Variants in E2F5 observed in about 807,000 individuals in gnomAD.
E2F5 encodes the protein transcription factor E2F5.
E2F5 carries 23 observed loss-of-function variants against 39.1 expected under a neutral mutation model. The observed-to-expected ratio is 0.59, with a 90% CI of 0.42 to 0.83. The LOEUF (loss-of-function observed/expected upper bound fraction) is 0.83. Ranked by LOEUF, E2F5 falls within the 40% of genes least tolerant of loss-of-function variation. E2F5 has a pLI of 0.00. For synonymous variants in E2F5, 145 were observed against 157.8 expected, an observed-to-expected ratio of 0.92 and a Z score of 0.61; for missense variants, 365 against 406.7, an observed-to-expected ratio of 0.90 and a Z score of 0.88.
At chr8:85,180,744 ATTTTTT>A (rs1171220789) in intron 1 of E2F5, among the ~76,000 whole-genome samples, 2 of 148,598 alleles carry the variant, frequency 1.3e-5, no homozygotes, top group African/African-American at 5.0e-5. Context: ...CGCCCGGCTA[ATTTTTT>A]TTGTATTTTT....
Position 85,209,324 on chromosome 8 carries a change from C to T in E2F5, c.798C>T (p.Ser266=), listed in dbSNP as rs766786182. 2.9e-5 allele frequency: 47 copies of T among 1,613,922 alleles called. 2 individuals carry two copies. In the South Asian group the frequency reaches 3.1e-4, roughly 11 times the overall value. ...SLTPVTPQKS[S]MATQNLPEQH... ...CTCCAGTGACTCCACAGAAATCCAG[C>T]ATGGCAACTCAAAATCTGCCTGAGC... Residue 266 remains serine, a synonymous_variant, in exon 6 of 8, where the codon AGC becomes AGT. Transcript: ENST00000416274.
chr8:85,180,029 C>CTT (rs532627984), intron 1 of E2F5, among the ~76,000 whole-genome samples: 189 of 133,486 alleles, frequency 1.4e-3, no homozygotes, highest in Non-Finnish European at 2.3e-3. Context: ...TCGTTAAAGC[C>CTT]TTTTTTTTTT....
intron 1 of E2F5, among the ~76,000 whole-genome samples, chr8:85,197,992 G>A (rs1203447666): frequency 6.6e-6 from 1 of 152,064 alleles, no homozygotes; most frequent in Non-Finnish European, 1.5e-5. Context: ...TGAATATTTT[G>A]TACTTTCTTC....
chr8:85,202,862 A>C (rs1382603733), intron 2 of E2F5, among the ~76,000 whole-genome samples: 1 of 152,216 alleles, frequency 6.6e-6, no homozygotes, highest in East Asian at 1.9e-4. Context: ...ATGACAAAAA[A>C]ACACTGTAGG....
At chr8:85,212,026 C>T in intron 6 of E2F5, 131 bp from the exon 7 acceptor site, 1 of 635,798 alleles carries the variant, frequency 1.6e-6, no homozygotes, top group Non-Finnish European at 2.7e-6. Context: ...TGAAAACAAC[C>T]TGTCCACAAA....
At chr8:85,211,237 A>C in intron 6 of E2F5, among the ~76,000 whole-genome samples, 1 of 151,604 alleles carries the variant, frequency 6.6e-6, no homozygotes, top group African/African-American at 2.4e-5. Context: ...AAAAAAAAAA[A>C]AAAAAATTAA....
At chr8:85,182,560 A>T (rs576585874) in intron 1 of E2F5, among the ~76,000 whole-genome samples, 2 of 152,322 alleles carry the variant, frequency 1.3e-5, no homozygotes, top group East Asian at 3.9e-4. Context: ...AAGGTGGAAA[A>T]GAAGGAGGTA....
chr8:85,179,515 C>T (rs1812153849), intron 1 of E2F5, among the ~76,000 whole-genome samples: 1 of 152,120 alleles, frequency 6.6e-6, no homozygotes, highest in African/African-American at 2.4e-5. Context: ...TCTACAATAA[C>T]ACTGTCTCAT....
chr8:85,212,245 G>T, intron 7 of E2F5, 41 bp downstream of exon 7: 1 of 1,378,002 alleles, frequency 7.3e-7, no homozygotes, highest in South Asian at 1.2e-5. Context: ...TATCAGTAAT[G>T]CTTCTGTGGA....
chr8:85,209,849 T>C (rs550953320), intron 6 of E2F5, among the ~76,000 whole-genome samples: 24 of 152,362 alleles, frequency 1.6e-4, no homozygotes, highest in African/African-American at 5.5e-4. Flanking sequence ...GTTCCAACTA[T>C]CTTTAAGTAT....
intron 1 of E2F5, among the ~76,000 whole-genome samples, chr8:85,188,316 CT>C (rs74366212): frequency 0.067 from 7,704 of 114,762 alleles, 186 homozygotes; most frequent in African/African-American, 0.081. Context: ...CCTTAGCATC[CT>C]TTTTTTTTTT....
chr8:85,192,935 G>A (rs1812495271), intron 1 of E2F5, among the ~76,000 whole-genome samples: 1 of 152,102 alleles, frequency 6.6e-6, no homozygotes, highest in Non-Finnish European at 1.5e-5. Flanking sequence ...CCTACCACAG[G>A]TGGTTATGAT....
At chr8:85,201,973 T>C (rs1406709705) in intron 1 of E2F5, 174 bp from the exon 2 acceptor site, 2 of 594,750 alleles carry the variant, frequency 3.4e-6, no homozygotes, top group Non-Finnish European at 5.9e-6. Flanking sequence ...GAATAATTTC[T>C]TTGGTATTTG....
At chr8:85,213,598 T>C in intron 7 of E2F5, 155 bp from the exon 8 acceptor site, 1 of 341,890 alleles carries the variant, frequency 2.9e-6, no homozygotes, top group African/African-American at 2.3e-5. Flanking sequence ...CTAATATCAA[T>C]ATTCAATGTA....
intron 1 of E2F5, among the ~76,000 whole-genome samples, chr8:85,198,200 T>C (rs369365818): frequency 2.0e-4 from 30 of 152,306 alleles, no homozygotes; most frequent in African/African-American, 6.3e-4. Context: ...TCCTCACTTA[T>C]TGAATTCACA....
rs1812112684 is a variant in E2F5, at chr8:85,177,597, T to G, written c.177T>G (p.Thr59=). The G allele has an allele frequency of 7.7e-7, 1 of 1,296,236 alleles. No homozygotes were observed. The highest frequency in any genetic ancestry group is 1.5e-5 in the African/African-American group (1 of 66,086). 80.3% of individuals were successfully genotyped at this position (1,296,236 alleles called of 1,614,324 possible). A position where few individuals can be genotyped will look rare whatever the true frequency, so the allele number is the denominator to read the frequency against. The change falls in exon 1 of 8, where the codon ACT becomes ACG. Residue 59 remains threonine (T), a synonymous_variant. Coordinates refer to ENST00000416274, the MANE Select transcript of E2F5 (RefSeq NM_001951.4). The part of the protein sequence containing the change: ...SRHEKSLGLL[T]TKFVSLLQEA... ...ACGAGAAGAGCCTGGGGCTGCTCAC[T>G]ACCAAGTTCGTGTCGCTGCTGCAGG... is the stretch of plus-strand genomic sequence containing the variant.
chr8:85,195,759 T>C (rs1457413145), intron 1 of E2F5, among the ~76,000 whole-genome samples: 2 of 152,244 alleles, frequency 1.3e-5, no homozygotes, highest in Admixed American at 1.3e-4. Context: ...CCTCTCAAAG[T>C]GCTAGGATTA....
intron 1 of E2F5, among the ~76,000 whole-genome samples, chr8:85,185,260 G>A (rs1645893795): frequency 6.6e-6 from 1 of 151,990 alleles, no homozygotes; most frequent in Admixed American, 6.6e-5. Flanking sequence ...AGAAGAAATG[G>A]GGAAAAGATT....
chr8:85,204,860 G>C (rs538635609), intron 3 of E2F5, among the ~76,000 whole-genome samples: 1 of 151,372 alleles, frequency 6.6e-6, no homozygotes, highest in African/African-American at 2.5e-5. Context: ...GACAACTGGG[G>C]GACTACCTGC....
Sources: gnomAD v4.1 joint callset for allele counts (sites outside exome capture counted in the v4.1 genomes callset) on GRCh38, gnomAD v4.1.1 for gene constraint, MANE v1.5 for transcripts, NCBI Gene and HGNC (gene_info 2026-07-23, HGNC 2026-07-21) for gene names.